SUCLA2: variants seen among roughly 807,000 people sequenced by gnomAD.
SUCLA2 encodes succinate-CoA ligase ADP-forming subunit beta.
SUCLA2 carries 30 observed loss-of-function variants against 54.8 expected under a neutral mutation model. That is an observed-to-expected ratio of 0.55 (90% confidence interval 0.41 to 0.74). The LOEUF (loss-of-function observed/expected upper bound fraction) is 0.74. SUCLA2 is among the 30% of genes least tolerant of loss of function. SUCLA2 has a pLI of 0.00. For synonymous variants in SUCLA2, 172 were observed against 188.9 expected (o/e 0.91, Z 0.74); for missense variants, 476 against 562.9 (o/e 0.85, Z 1.56).
In SUCLA2 at chr13:47,962,307, T is replaced by C. The variant is rs540804898; in HGVS notation, c.802+6288A>G. On this transcript the variant is annotated intron_variant, in intron 6 of 10. Coordinates refer to ENST00000646932, the MANE Select transcript of SUCLA2 (RefSeq NM_003850.3). Reference sequence around the variant, plus strand: ...GGAAACTGTGAATATTCTTAATTCATGGAAAATGTGTTTATTTGCATATAT... The same window carrying C: ...GGAAACTGTGAATATTCTTAATTCACGGAAAATGTGTTTATTTGCATATAT... 2.0e-5 allele frequency among the ~76,000 whole-genome samples: 3 copies of C among 152,356 alleles called. No homozygotes were observed. The South Asian group carries it at 6.2e-4, about 32-fold the overall frequency.
intron 1 of SUCLA2, 26 bp from the exon 2 acceptor site, chr13:47,997,049 A>T (rs773943440): frequency 1.2e-6 from 2 of 1,613,408 alleles, no homozygotes; most frequent in Non-Finnish European, 1.7e-6. Flanking sequence ...ACATATTTAT[A>T]TATGACAGTG....
At chr13:47,977,800 C>T (rs1566088803) in intron 4 of SUCLA2, among the ~76,000 whole-genome samples, 1 of 152,074 alleles carries the variant, frequency 6.6e-6, no homozygotes, top group African/African-American at 2.4e-5. Context: ...AAACTCATAG[C>T]CAACATCATA....
intron 4 of SUCLA2, among the ~76,000 whole-genome samples, chr13:47,978,336 G>C (rs888059272): frequency 6.6e-6 from 1 of 152,178 alleles, no homozygotes; most frequent in Admixed American, 6.5e-5. Context: ...CAGTGGAACA[G>C]AACAGAGGCC....
chr13:47,975,692 C>T (rs559932661), intron 4 of SUCLA2, among the ~76,000 whole-genome samples: 2 of 152,178 alleles, frequency 1.3e-5, no homozygotes, highest in East Asian at 1.9e-4. Context: ...ACATTTGTAA[C>T]AAGGAATTCG....
intron 6 of SUCLA2, among the ~76,000 whole-genome samples, chr13:47,966,026 C>T (rs747854957): frequency 6.6e-5 from 10 of 152,020 alleles, no homozygotes; most frequent in African/African-American, 1.7e-4. Context: ...CCAGCCTGGG[C>T]GACAGAGCAA....
intron 1 of SUCLA2, among the ~76,000 whole-genome samples, chr13:47,999,212 CT>C (rs11296058): frequency 0.73 from 110,831 of 152,042 alleles, 41,343 homozygotes; most frequent in Non-Finnish European, 0.81. Context: ...ATAAAGAACA[CT>C]TTGGGGACAA....
chr13:47,967,393 TATTA>T (rs1949927570), intron 6 of SUCLA2, among the ~76,000 whole-genome samples: 1 of 152,016 alleles, frequency 6.6e-6, no homozygotes, highest in Admixed American at 6.5e-5. Context: ...TAAAGTAAAA[TATTA>T]ATTGATTAAA....
chr13:47,961,523 C>T (rs1232149881), intron 6 of SUCLA2, among the ~76,000 whole-genome samples: 1 of 67,826 alleles, frequency 1.5e-5, no homozygotes, highest in Non-Finnish European at 4.4e-5. Flanking sequence ...TGACCTCAAA[C>T]TATTTTTTTT....
chr13:47,958,869 A>G (rs562142184), intron 6 of SUCLA2, among the ~76,000 whole-genome samples: 12 of 152,330 alleles, frequency 7.9e-5, no homozygotes, highest in African/African-American at 2.9e-4. Flanking sequence ...AATCTAGATA[A>G]ACTGTTTAAA....
rs75166258 is a variant in SUCLA2, at chr13:47,950,335, C to A, written c.1108-732G>T. On this transcript the variant is annotated intron_variant, in intron 8 of 10. Transcript: ENST00000646932. ...TCCACCATCTCGCAGCCACCCAAGC[C>A]ATAGCTTCTGTTTCTAAGTCCCTAT... Among the ~76,000 whole-genome samples the A allele has an allele frequency of 2.5e-3, 381 of 152,280 alleles. 1 individual carries two copies. The highest frequency in any genetic ancestry group is 8.6e-3 in the African/African-American group (357 of 41,548).
At chr13:47,958,426 T>C (rs1050398148) in intron 6 of SUCLA2, among the ~76,000 whole-genome samples, 4 of 152,202 alleles carry the variant, frequency 2.6e-5, no homozygotes, top group African/African-American at 9.6e-5. Context: ...GTCTACCAAA[T>C]TGGCTTATAA....
At chr13:47,994,354 G>A (rs547536855) in intron 2 of SUCLA2, among the ~76,000 whole-genome samples, 1 of 152,120 alleles carries the variant, frequency 6.6e-6, no homozygotes, top group East Asian at 1.9e-4. Flanking sequence ...TGGATCACAA[G>A]GTCAGGGGTT....
At chr13:47,943,782 T>TATATATATATATA (rs879679737) in intron 10 of SUCLA2, among the ~76,000 whole-genome samples, 109 of 118,760 alleles carry the variant, frequency 9.2e-4, no homozygotes, top group Middle Eastern at 4.4e-3. Context: ...ATATATATAT[T>TATATATATATATA]ATTCTAAATT....
At chr13:47,975,156 C>CTTTCT (rs1243378567) in intron 4 of SUCLA2, among the ~76,000 whole-genome samples, 1 of 147,772 alleles carries the variant, frequency 6.8e-6, no homozygotes, top group Non-Finnish European at 1.5e-5. Context: ...ACTTTTCTTT[C>CTTTCT]TTTCTTTTCT....
In SUCLA2 at chr13:47,954,472, CT is replaced by C. The variant is rs1593479845; in HGVS notation, c.887del (p.Gln296ArgfsTer23). Reference protein sequence around the residue: ...KKIFDLQDWTQEDERDKDAAK... With the variant: ...KKIFDLQDWTXEDERDKDAAK... ...CAGCATCTTTGTCCCTTTCATCTTC[CT>C]GGGTCCAGTCCTGTAGATCAAAGAT... On this transcript the variant is annotated frameshift_variant, in exon 7 of 11. Transcript: ENST00000646932. LOFTEE classifies it high-confidence loss of function. 6.2e-7 allele frequency: 1 copy of C among 1,613,912 alleles called. No homozygotes were observed. Among genetic ancestry groups the C allele is most frequent in the Non-Finnish European group, 8.5e-7 (1 of 1,179,880 alleles).
At chr13:47,964,599 T>G (rs1422492157) in intron 6 of SUCLA2, among the ~76,000 whole-genome samples, 1 of 152,242 alleles carries the variant, frequency 6.6e-6, no homozygotes, top group Non-Finnish European at 1.5e-5. Flanking sequence ...GGCTCAAGCC[T>G]GTAATCCCAG....
At chr13:47,959,636 A>T (rs1163272325) in intron 6 of SUCLA2, among the ~76,000 whole-genome samples, 1 of 152,162 alleles carries the variant, frequency 6.6e-6, no homozygotes, top group Non-Finnish European at 1.5e-5. Context: ...TGGTCTGTGT[A>T]AGTCATATGT....
At chr13:47,959,222 C>A (rs1014538479) in intron 6 of SUCLA2, among the ~76,000 whole-genome samples, 2 of 151,574 alleles carry the variant, frequency 1.3e-5, no homozygotes, top group Non-Finnish European at 2.9e-5. Context: ...AAATTATGGG[C>A]TTGAAAAAGT....
At chr13:47,967,480 A>C (rs1010050349) in intron 6 of SUCLA2, among the ~76,000 whole-genome samples, 1 of 152,206 alleles carries the variant, frequency 6.6e-6, no homozygotes, top group Non-Finnish European at 1.5e-5. Flanking sequence ...AGAAAAAAAC[A>C]GAACACATTG....
Sources: gnomAD v4.1 joint callset for allele counts (sites outside exome capture counted in the v4.1 genomes callset) on GRCh38, gnomAD v4.1.1 for gene constraint, MANE v1.5 for transcripts, NCBI Gene and HGNC (gene_info 2026-07-23, HGNC 2026-07-21) for gene names.